LRP5: variants seen among roughly 807,000 people sequenced by gnomAD.
LRP5 encodes the protein LDL receptor related protein 5, also known as low-density lipoprotein receptor-related protein 5.
In LRP5, 62 loss-of-function variants were observed where a neutral mutation model predicts 154.1. The observed-to-expected ratio is 0.40, with a 90% confidence interval of 0.33 to 0.50. The LOEUF (loss-of-function observed/expected upper bound fraction) is 0.50. LRP5 is among the 20% of genes least tolerant of loss of function. The probability of loss-of-function intolerance (pLI) is 0.55; values close to 1 mark genes in which losing one functional copy is unlikely to be tolerated. For missense variants in LRP5, 1,915 were observed against 2,336.7 expected (o/e 0.82, Z 3.72); for synonymous variants, 966 against 1,011.5 (o/e 0.96, Z 0.85).
Position 68,386,738 on chromosome 11 carries a change from G to A in LRP5, c.1412+26G>A. On this transcript the variant is annotated intron_variant, in intron 6 of 22. Transcript: ENST00000294304. This position sits in a 1 kb window ranked among gnomAD's most constrained non-coding sequence, Gnocchi z 7.9. ...GTAAGACGGGCGGGGGCTGGGGCCT[G>A]GAGCCAGGGCCAGGCCAAGCACAGG... The A allele has an allele frequency of 1.2e-6, 2 of 1,606,192 alleles. No individual in the cohort carries two copies. The highest frequency in any genetic ancestry group is 1.7e-6 in the Non-Finnish European group (2 of 1,176,398).
Position 68,439,916 on chromosome 11 carries a change from G to A in LRP5, c.4488G>A (p.Pro1496=), listed in dbSNP as rs1565118560. Residue 1496 remains proline (P), a splice_region_variant and synonymous_variant, in exon 21 of 23, where the codon CCG becomes CCA. Coordinates refer to ENST00000294304, the MANE Select transcript of LRP5 (RefSeq NM_002335.4). ...GCACGAAGGCCACGCTGTACCCGCC[G>A]GTGAGGGGCGGGGCCGGGGAGGGGC... ...SSSTKATLYP[P]ILNPPPSPAT... The A allele has an allele frequency of 1.3e-6, 2 of 1,548,148 alleles. No individual in the cohort carries two copies. The highest frequency in any genetic ancestry group is 1.7e-6 in the Non-Finnish European group (2 of 1,147,544).
At chr11:68,318,104 G>A (rs1055162082) in intron 1 of LRP5, among the ~76,000 whole-genome samples, 1 of 151,396 alleles carries the variant, frequency 6.6e-6, no homozygotes, top group Non-Finnish European at 1.5e-5. Flanking sequence ...GCCCAGGCTG[G>A]AGTGCAGCGG....
chr11:68,303,438 T>G, the LRP5 span, among the ~76,000 whole-genome samples: 1 of 152,196 alleles, frequency 6.6e-6, no homozygotes, highest in South Asian at 2.1e-4. Context: ...TCTGTTGAAG[T>G]TTGAACATAA....
At chr11:68,366,939 G>A (rs1213856057) in intron 5 of LRP5, among the ~76,000 whole-genome samples, 4 of 151,646 alleles carry the variant, frequency 2.6e-5, no homozygotes, top group Non-Finnish European at 4.4e-5. Context: ...CCGAGGCACT[G>A]GGGACCCCGC....
chr11:68,312,661 C>T lies in LRP5; in HGVS notation c.-54C>T, dbSNP rs1442892945. The T allele has an allele frequency of 1.2e-4, 105 of 847,966 alleles. No individual in the cohort carries two copies. Among genetic ancestry groups the T allele is most frequent in the Middle Eastern group, 5.8e-4 (1 of 1,728 alleles). 52.5% of individuals were successfully genotyped at this position (847,966 alleles called of 1,614,324 possible). A position where few individuals can be genotyped will look rare whatever the true frequency, so the allele number is the denominator to read the frequency against. On this transcript the variant is annotated 5_prime_UTR_variant, in exon 1 of 23. Coordinates refer to ENST00000294304, the MANE Select transcript of LRP5 (RefSeq NM_002335.4). ...GAGCCGCGCGAGGAGCCGCCGCCGC[C>T]GCGCCATGGAGCCCGAGTGAGCGCG... is the stretch of plus-strand genomic sequence containing the variant.
chr11:68,363,409 C>T (rs952362055), intron 3 of LRP5, among the ~76,000 whole-genome samples: 5 of 152,170 alleles, frequency 3.3e-5, no homozygotes, highest in East Asian at 3.9e-4. Context: ...GTAATCCCAG[C>T]GCTTTGAGAG....
chr11:68,303,626 T>C, the LRP5 span, among the ~76,000 whole-genome samples: 1 of 152,212 alleles, frequency 6.6e-6, no homozygotes, highest in Non-Finnish European at 1.5e-5. Flanking sequence ...CTCCAGTAGC[T>C]GGGACTACAG....
At chr11:68,425,516 T>G (rs984098602) in intron 15 of LRP5, among the ~76,000 whole-genome samples, 2 of 152,186 alleles carry the variant, frequency 1.3e-5, no homozygotes, top group Non-Finnish European at 2.9e-5. Context: ...AGCGAGCTGC[T>G]TGGGGCCCCA....
rs2098676224 is a variant in LRP5, at chr11:68,438,429, C to T, written c.4112-17C>T. The stretch of plus-strand genomic sequence containing the variant: ...TGGGGTTAATGTTGGCCACCTCTTT[C>T]TGTTTGTCTCTGGCAGAAATCACCA... On this transcript the variant is annotated splice_polypyrimidine_tract_variant and intron_variant, in intron 19 of 22. Transcript: ENST00000294304. 1.2e-6 allele frequency: 2 copies of T among 1,611,468 alleles called. No individual in the cohort carries two copies. Among genetic ancestry groups the T allele is most frequent in the Non-Finnish European group, 8.5e-7 (1 of 1,177,764 alleles).
In LRP5 at chr11:68,371,540, A is replaced by G. The variant is rs565105719; in HGVS notation, c.1015+5838A>G. On this transcript the variant is annotated intron_variant, in intron 5 of 22. Transcript: ENST00000294304. ...AAGGAAAATGTTTTGTTAAAAGACC[A>G]CAGTCCTGTCACCTGAGCACAGTCG... Among the ~76,000 whole-genome samples the G allele has an allele frequency of 1.1e-4, 17 of 152,360 alleles. No individual in the cohort carries two copies. In the East Asian group the frequency reaches 3.1e-3, roughly 28 times the overall value.
At position 68,312,713 on chromosome 11, in the gene LRP5, A is replaced by G. The variant is rs1842804153; in HGVS notation, c.-2A>G. On this transcript the variant is annotated 5_prime_UTR_variant, in exon 1 of 23. Transcript: ENST00000294304. ...CGCGGGCCCGTCCGGCCGCCGGACA[A>G]CATGGAGGCAGCGCCGCCCGGGCCG... The G allele has an allele frequency of 3.9e-6, 4 of 1,028,506 alleles. No homozygotes were observed. Among genetic ancestry groups the G allele is most frequent in the African/African-American group, 1.8e-5 (1 of 56,490 alleles). The allele number at this position is 1,028,506 out of a possible 1,614,324, so 63.7% of individuals were successfully genotyped here.
chr11:68,407,918 C>T (rs1264057330), intron 9 of LRP5, among the ~76,000 whole-genome samples: 1 of 152,176 alleles, frequency 6.6e-6, no homozygotes, highest in African/African-American at 2.4e-5. Context: ...AGCTTTTGTT[C>T]TGCCGAGATG....
intron 2 of LRP5, among the ~76,000 whole-genome samples, chr11:68,350,429 C>T (rs1300098790): frequency 6.6e-6 from 1 of 152,236 alleles, no homozygotes; most frequent in African/African-American, 2.4e-5. Flanking sequence ...TCCCTGAAGT[C>T]AGGGCTCTGG....
intron 5 of LRP5, among the ~76,000 whole-genome samples, chr11:68,383,718 C>T (rs1300766912): frequency 3.3e-5 from 5 of 152,312 alleles, no homozygotes; most frequent in African/African-American, 4.8e-5. Context: ...GTGAGGGTGG[C>T]GCCCTCGCCA....
intron 1 of LRP5, among the ~76,000 whole-genome samples, chr11:68,319,957 A>C (rs1261781840): frequency 1.3e-5 from 2 of 152,148 alleles, no homozygotes; most frequent in African/African-American, 2.4e-5. Context: ...CAGGAGTTCG[A>C]GACCAGCCTG....
At chr11:68,308,116 G>A (rs1351623841), upstream of LRP5, among the ~76,000 whole-genome samples, 2 of 152,236 alleles carry the variant, frequency 1.3e-5, no homozygotes. Flanking sequence ...GTTTTGGGGA[G>A]AGGCCTGCGG....
At chr11:68,379,470 A>G (rs1242280886) in intron 5 of LRP5, among the ~76,000 whole-genome samples, 3 of 152,178 alleles carry the variant, frequency 2.0e-5, no homozygotes, top group Non-Finnish European at 4.4e-5. Flanking sequence ...CCCTTCCAGA[A>G]GCGGGAGATG....
chr11:68,351,603 G>C (rs2098618629), intron 2 of LRP5, among the ~76,000 whole-genome samples: 1 of 152,158 alleles, frequency 6.6e-6, no homozygotes, highest in Non-Finnish European at 1.5e-5. Flanking sequence ...TTCCCTCCCA[G>C]CGTGGGTCGC....
At chr11:68,384,038 GCTGCCT>G (rs1366135495) in intron 5 of LRP5, among the ~76,000 whole-genome samples, 1 of 152,188 alleles carries the variant, frequency 6.6e-6, no homozygotes, top group Non-Finnish European at 1.5e-5. Context: ...CCTTCTAAGT[GCTGCCT>G]CTGCCTCTCC....
Sources: gnomAD v4.1 joint callset for allele counts (sites outside exome capture counted in the v4.1 genomes callset) on GRCh38, gnomAD v4.1.1 for gene constraint, Gnocchi (gnomAD v3.1) non-coding constraint, MANE v1.5 for transcripts, NCBI Gene and HGNC (gene_info 2026-07-23, HGNC 2026-07-21) for gene names.